CYB5R4: variants seen among roughly 807,000 people sequenced by gnomAD.
CYB5R4 encodes cytochrome b5 reductase 4, also known as N-terminal cytochrome b5 and cytochrome b5 oxidoreductase domain-containing protein.
A neutral mutation model predicts 70.2 loss-of-function variants in CYB5R4; 55 were observed. That is an observed-to-expected ratio of 0.78 (90% confidence interval 0.63 to 0.98). The LOEUF is 0.98. Among genes scored for constraint, CYB5R4 ranks in the 50% least tolerant of loss-of-function variants. The probability of loss-of-function intolerance (pLI) is 0.00; values close to 1 mark genes in which losing one functional copy is unlikely to be tolerated. For synonymous variants in CYB5R4, 197 were observed against 199.5 expected, an observed-to-expected ratio of 0.99 and a Z score of 0.11; for missense variants, 562 against 612.6, an observed-to-expected ratio of 0.92 and a Z score of 0.87.
At chr6:83,930,674 C>T (rs970123576) in intron 10 of CYB5R4, among the ~76,000 whole-genome samples, 1 of 151,928 alleles carries the variant, frequency 6.6e-6, no homozygotes, top group African/African-American at 2.4e-5. Flanking sequence ...TTCCAAATTC[C>T]TATTAATGTT....
chr6:83,870,522 C>G (rs1375242687), intron 2 of CYB5R4, among the ~76,000 whole-genome samples: 2 of 151,426 alleles, frequency 1.3e-5, no homozygotes, highest in Non-Finnish European at 2.9e-5. Context: ...TTGTCCATAG[C>G]AGGGAAATTT....
chr6:83,929,566 C>G (rs2099467834), intron 10 of CYB5R4: 1 of 151,472 alleles, frequency 6.6e-6, no homozygotes, highest in Non-Finnish European at 1.5e-5. Flanking sequence ...TGTGATGCTT[C>G]CAATTAATTT....
chr6:83,881,366 C>T (rs890368649), intron 2 of CYB5R4, among the ~76,000 whole-genome samples: 1 of 151,826 alleles, frequency 6.6e-6, no homozygotes, highest in Non-Finnish European at 1.5e-5. Flanking sequence ...ATAGAGATAG[C>T]GTCTTGCTTT....
chr6:83,859,691 G>A lies in CYB5R4; in HGVS notation c.-92G>A, dbSNP rs1350218524. On this transcript the variant is annotated 5_prime_UTR_variant, in exon 1 of 16. Transcript: ENST00000369681. The stretch of plus-strand genomic sequence containing the variant: ...TGGCGACCCCGGAAGTGGGTCGGGG[G>A]CTTGGCCTCTGCCCGGCCACAGAGC... The A allele has an allele frequency of 2.8e-6, 4 of 1,418,688 alleles. No homozygotes were observed. In the Admixed American group the frequency reaches 7.3e-5, roughly 26 times the overall value. 87.9% of individuals were successfully genotyped at this position (1,418,688 alleles called of 1,614,324 possible).
chr6:83,949,296 C>G (rs879744166), intron 14 of CYB5R4, among the ~76,000 whole-genome samples: 4 of 151,952 alleles, frequency 2.6e-5, no homozygotes, highest in Admixed American at 2.6e-4. Context: ...TACTATTCAG[C>G]CAAAACATAA....
chr6:83,906,845 C>G (rs968409368), intron 3 of CYB5R4, among the ~76,000 whole-genome samples: 1 of 152,060 alleles, frequency 6.6e-6, no homozygotes, highest in African/African-American at 2.4e-5. Flanking sequence ...ATAAAGATTC[C>G]AGTATCAACA....
Position 83,961,821 on chromosome 6 carries a change from T to TC in CYB5R4, c.*1945dup, listed in dbSNP as rs1221929646. The TC allele has an allele frequency of 6.6e-6, 1 of 151,982 alleles. No individual in the cohort carries two copies. Among genetic ancestry groups the TC allele is most frequent in the African/African-American group, 2.4e-5 (1 of 41,434 alleles). The allele number at this position is 151,982 out of a possible 1,614,324, so 9.4% of individuals were successfully genotyped here. ...CTCTCCTTTCCCAAGCAACAGAATC[T>TC]CCTATTAGTCGCTATATGTAATGCT... On this transcript the variant is annotated 3_prime_UTR_variant, in exon 16 of 16. Transcript: ENST00000369681.
chr6:83,926,141 G>A (rs2099467237), intron 10 of CYB5R4: 1 of 152,198 alleles, frequency 6.6e-6, no homozygotes, highest in African/African-American at 2.4e-5. Context: ...TTCAGGGTGG[G>A]ACTGTAAAGC....
In CYB5R4 at chr6:83,927,660, A is replaced by G. The variant is rs149679841; in HGVS notation, c.814+3068A>G. 6.8e-4 allele frequency among the ~76,000 whole-genome samples: 103 copies of G among 152,344 alleles called. 1 individual carries two copies. The highest frequency in any genetic ancestry group is 6.5e-5 in the Admixed American group (1 of 15,292). On this transcript the variant is annotated intron_variant, in intron 10 of 15. Transcript: ENST00000369681. Reference sequence around the variant, plus strand: ...AGGGGCACAGAGCTTCCATGACCTCAGTGATTGCATCACCCTCCAAACATT... The same window carrying G: ...AGGGGCACAGAGCTTCCATGACCTCGGTGATTGCATCACCCTCCAAACATT...
intron 2 of CYB5R4, among the ~76,000 whole-genome samples, chr6:83,891,172 C>G (rs1007907715): frequency 6.6e-6 from 1 of 151,534 alleles, no homozygotes. Flanking sequence ...GTCTTGAACT[C>G]CTAGCATGAA....
chr6:83,904,259 G>T (rs2099463419), intron 3 of CYB5R4, among the ~76,000 whole-genome samples: 1 of 152,066 alleles, frequency 6.6e-6, no homozygotes, highest in African/African-American at 2.4e-5. Flanking sequence ...TTTGTTTCAA[G>T]AAATTTTTTT....
chr6:83,933,990 C>G (rs561599677), intron 10 of CYB5R4, among the ~76,000 whole-genome samples: 2 of 152,110 alleles, frequency 1.3e-5, no homozygotes, highest in Non-Finnish European at 2.9e-5. Context: ...CATAGAGACA[C>G]AAGAATGTCT....
chr6:83,953,563 G>A (rs1191834899), intron 14 of CYB5R4, among the ~76,000 whole-genome samples: 5 of 152,082 alleles, frequency 3.3e-5, no homozygotes, highest in Admixed American at 1.3e-4. Context: ...AATCACTGAA[G>A]CTTTTAAGCA....
chr6:83,924,611 T>A lies in CYB5R4; in HGVS notation c.814+19T>A, dbSNP rs1286787933. The A allele has an allele frequency of 6.2e-7, 1 of 1,606,846 alleles. No individual in the cohort carries two copies. The highest frequency in any genetic ancestry group is 1.7e-5 in the Admixed American group (1 of 58,674). ...GATACAGGTATGCTGTGTTCTTTTG[T>A]TACGTTAATTTCACATTCATGAAAT... On this transcript the variant is annotated intron_variant, in intron 10 of 15. Coordinates refer to ENST00000369681, the MANE Select transcript of CYB5R4 (RefSeq NM_016230.4).
chr6:83,892,333 C>A (rs2099461234), intron 2 of CYB5R4, among the ~76,000 whole-genome samples: 1 of 151,858 alleles, frequency 6.6e-6, no homozygotes, highest in African/African-American at 2.4e-5. Flanking sequence ...TTCTTTTCTT[C>A]CAAGATTATT....
At chr6:83,874,502 C>T (rs940510189) in intron 2 of CYB5R4, among the ~76,000 whole-genome samples, 2 of 151,362 alleles carry the variant, frequency 1.3e-5, no homozygotes, top group Non-Finnish European at 2.9e-5. Flanking sequence ...CCTCAAAGAC[C>T]TCATTCTTTC....
rs1018699300 is a variant in CYB5R4 at position 83,911,868 on chromosome 6, AC to A, written c.413-2545del. ...AGACCAGCCTGGGCTACATAGCGAA[AC>A]CCTGTCTCTACAAAAAAGAAAAAAA... is the stretch of plus-strand genomic sequence containing the variant. On this transcript the variant is annotated intron_variant, in intron 4 of 15. Coordinates refer to ENST00000369681, the MANE Select transcript of CYB5R4 (RefSeq NM_016230.4). Among the ~76,000 whole-genome samples the A allele has an allele frequency of 3.5e-4, 53 of 151,878 alleles. 1 individual carries two copies. The highest frequency in any genetic ancestry group is 3.0e-3 in the Admixed American group (46 of 15,236).
intron 2 of CYB5R4, among the ~76,000 whole-genome samples, chr6:83,881,427 T>G (rs749447751): frequency 1.2e-4 from 19 of 152,190 alleles, no homozygotes; most frequent in Non-Finnish European, 2.1e-4. Flanking sequence ...CACCACTCCT[T>G]GGTCTCCCAG....
intron 7 of CYB5R4, 87 bp from the exon 8 acceptor site, chr6:83,920,995 T>C (rs2129139927): frequency 1.0e-6 from 1 of 968,550 alleles, no homozygotes; most frequent in Non-Finnish European, 1.4e-6. Flanking sequence ...CCGTATGAAG[T>C]ACCGCAGATC....
Sources: gnomAD v4.1 joint callset for allele counts (sites outside exome capture counted in the v4.1 genomes callset) on GRCh38, gnomAD v4.1.1 for gene constraint, MANE v1.5 for transcripts, NCBI Gene and HGNC (gene_info 2026-07-23, HGNC 2026-07-21) for gene names.